The following ADIPOQ variants were observed in gnomAD, a reference collection of about 807,000 sequenced individuals.
ADIPOQ encodes the protein adiponectin.
In ADIPOQ, 19 loss-of-function variants were observed where a neutral mutation model predicts 16.1. The ratio of observed to expected loss-of-function variants is 1.18; its 90% CI spans 0.82 to 1.73. The LOEUF (loss-of-function observed/expected upper bound fraction) is 1.73, where lower values mean the gene tolerates loss of function less well. Among genes scored for constraint, ADIPOQ ranks in the 40% most tolerant of loss-of-function variants. The pLI, the probability that ADIPOQ is intolerant of heterozygous loss-of-function variation, is 0.00. For missense variants in ADIPOQ, 323 were observed against 308.3 expected (o/e 1.05, Z -0.36); for synonymous variants, 124 against 125.5 (o/e 0.99, Z 0.08).
Position 186,854,344 on chromosome 3 carries a change from C to G in ADIPOQ, c.375C>G (p.Ile125Met), listed in dbSNP as rs1711907153. The stretch of plus-strand genomic sequence containing the variant: ...TGGGATTGGAGACTTACGTTACTAT[C>G]CCCAACATGCCCATTCGCTTTACCA... ...FSVGLETYVT[I>M]PNMPIRFTKI... is the part of the protein sequence containing the mutation. Residue 125 changes from isoleucine (I) to methionine (M), a missense_variant, in exon 3 of 3, where the codon ATC becomes ATG. Transcript: ENST00000320741. The G allele has an allele frequency of 6.2e-7, 1 of 1,614,072 alleles. No individual in the cohort carries two copies.
At chr3:186,852,977 C>T (rs1711833592) in intron 1 of ADIPOQ, 74 bp from the exon 2 acceptor site, 4 of 1,513,334 alleles carry the variant, frequency 2.6e-6, no homozygotes, top group Admixed American at 1.7e-5. Context: ...TGGACGGAGT[C>T]CTTTGTAGGT....
intron 1 of ADIPOQ, among the ~76,000 whole-genome samples, chr3:186,845,328 C>G (rs749560541): frequency 6.6e-6 from 1 of 151,868 alleles, no homozygotes; most frequent in African/African-American, 2.4e-5. Flanking sequence ...TGGGTTGCAC[C>G]GTGTGAAACT....
In ADIPOQ at chr3:186,854,800, G is replaced by A; in HGVS notation, c.*96G>A. The A allele has an allele frequency of 6.7e-7, 1 of 1,481,806 alleles. No homozygotes were observed. Among genetic ancestry groups the A allele is most frequent in the Non-Finnish European group, 9.3e-7 (1 of 1,071,614 alleles). The allele number at this position is 1,481,806 out of a possible 1,614,324, so 91.8% of individuals were successfully genotyped here. ...GGAAGTTGATTATTATTTAGTTGGA[G>A]GCCTTTAGATATTATTCATTCATTT... On this transcript the variant is annotated 3_prime_UTR_variant, in exon 3 of 3. Coordinates refer to ENST00000320741, the MANE Select transcript of ADIPOQ (RefSeq NM_004797.4).
At position 186,845,374 on chromosome 3, in the gene ADIPOQ, A is replaced by ATTTTTC. The variant is rs1423149552; in HGVS notation, c.-9+2630_-9+2631insCTTTTT. Among the ~76,000 whole-genome samples, 5 of 151,762 alleles carry ATTTTTC rather than the reference A, an allele frequency of 3.3e-5. No homozygotes were observed. In the East Asian group the frequency reaches 9.7e-4, roughly 29 times the overall value. ...TACACTTTGACTTTTATTTATTTTT[A>ATTTTTC]TTTTTATTTTTTTTGAGACAGAGTT... is the stretch of plus-strand genomic sequence containing the variant. On this transcript the variant is annotated intron_variant, in intron 1 of 2. Coordinates refer to ENST00000320741, the MANE Select transcript of ADIPOQ (RefSeq NM_004797.4).
intron 1 of ADIPOQ, among the ~76,000 whole-genome samples, chr3:186,843,433 G>T (rs900445216): frequency 1.3e-5 from 2 of 152,156 alleles, no homozygotes; most frequent in African/African-American, 4.8e-5. Context: ...ACCGAGGCGG[G>T]TGGATCACCT....
intron 2 of ADIPOQ, 34 bp downstream of exon 2, chr3:186,853,306 C>T: frequency 6.4e-7 from 1 of 1,550,872 alleles, no homozygotes; most frequent in Non-Finnish European, 8.7e-7. Flanking sequence ...CATCACAGAC[C>T]TCCTACACTG....
chr3:186,848,170 T>G (rs1711628278), intron 1 of ADIPOQ, among the ~76,000 whole-genome samples: 1 of 49,502 alleles, frequency 2.0e-5, no homozygotes. Flanking sequence ...GAGACTCCAC[T>G]TCAGAAACAA....
intron 1 of ADIPOQ, 69 bp from the exon 2 acceptor site, chr3:186,852,982 G>A (rs1711833919): frequency 1.3e-6 from 2 of 1,542,778 alleles, no homozygotes; most frequent in African/African-American, 1.4e-5. Context: ...GGAGTCCTTT[G>A]TAGGTCCCAA....
rs201402829 is a variant in ADIPOQ, at chr3:186,854,740, G to A, written c.*36G>A. 6 of 1,610,742 alleles carry A rather than the reference G, an allele frequency of 3.7e-6. No homozygotes were observed. The highest frequency in any genetic ancestry group is 5.1e-6 in the Non-Finnish European group (6 of 1,178,618). The stretch of plus-strand genomic sequence containing the variant: ...CTCAGAGCCTCCTCCAGGCCAAACA[G>A]CCCCAAAGTCAATTAAAGGCTTTCA... On this transcript the variant is annotated 3_prime_UTR_variant, in exon 3 of 3. Transcript: ENST00000320741.
At position 186,854,270 on chromosome 3, in the gene ADIPOQ, A is replaced by G. The variant is rs751189447; in HGVS notation, c.301A>G (p.Lys101Glu). 8 of 1,613,956 alleles carry G rather than the reference A, an allele frequency of 5.0e-6. No homozygotes were observed. In the South Asian group the frequency reaches 8.8e-5, roughly 18 times the overall value. The change falls in exon 3 of 3, where the codon AAA becomes GAA. Residue 101 changes from lysine (K) to glutamate (E), a missense_variant. Physicochemically the swap from Lys to Glu is moderately conservative, Grantham distance 56. Transcript: ENST00000320741. ...PRGFPGIQGRKGEPGEGAYVY... is the reference protein window; with the variant it reads ...PRGFPGIQGREGEPGEGAYVY... ...AGGCTTTCCGGGAATCCAAGGCAGG[A>G]AAGGAGAACCTGGAGAAGGTGCCTA... is the stretch of plus-strand genomic sequence containing the variant.
At chr3:186,851,503 A>G (rs990531608) in intron 1 of ADIPOQ, among the ~76,000 whole-genome samples, 9 of 152,142 alleles carry the variant, frequency 5.9e-5, no homozygotes, top group African/African-American at 1.7e-4. Flanking sequence ...GGGATATCAA[A>G]GAATGATTTT....
intron 1 of ADIPOQ, among the ~76,000 whole-genome samples, chr3:186,845,774 GT>G (rs1560106463): frequency 6.6e-6 from 1 of 152,220 alleles, no homozygotes; most frequent in African/African-American, 2.4e-5. Flanking sequence ...ACACGTTAGA[GT>G]CAAAAGCAGG....
At chr3:186,849,814 G>C (rs1711686991) in intron 1 of ADIPOQ, among the ~76,000 whole-genome samples, 2 of 152,180 alleles carry the variant, frequency 1.3e-5, no homozygotes, top group South Asian at 4.1e-4. Flanking sequence ...TAGTCTTCAA[G>C]TGGGGAGAAA....
Position 186,855,794 on chromosome 3 carries a change from G to C in ADIPOQ, c.*1090G>C, listed in dbSNP as rs1303819851. ...ATTTTGCCATGGATGAGAGTCCTGG[G>C]TGTGAGGAACACCTCCCACCAGGCT... On this transcript the variant is annotated 3_prime_UTR_variant, in exon 3 of 3. Coordinates refer to ENST00000320741, the MANE Select transcript of ADIPOQ (RefSeq NM_004797.4). The C allele has an allele frequency of 6.6e-6, 1 of 152,302 alleles. No homozygotes were observed. Among genetic ancestry groups the C allele is most frequent in the South Asian group, 2.1e-4 (1 of 4,828 alleles). The allele number at this position is 152,302 out of a possible 1,614,324, so 9.4% of individuals were successfully genotyped here.
intron 1 of ADIPOQ, 31 bp from the exon 2 acceptor site, chr3:186,853,020 C>T: frequency 6.2e-7 from 1 of 1,612,478 alleles, no homozygotes; most frequent in Non-Finnish European, 8.5e-7. Context: ...GTCTGTCTCT[C>T]CATGGCTGAC....
rs1034116174 is a variant in ADIPOQ at position 186,857,153 on chromosome 3, C to T, written c.*2449C>T. ...TGATGCCCAAAGAGGAGAGAGGAAGCTCTCTTTCCCAGATGCCCCAGCAAG... is the reference window on the plus strand; with the variant it reads ...TGATGCCCAAAGAGGAGAGAGGAAGTTCTCTTTCCCAGATGCCCCAGCAAG... On this transcript the variant is annotated 3_prime_UTR_variant, in exon 3 of 3. Transcript: ENST00000320741. 1 of 152,224 alleles carries T rather than the reference C, an allele frequency of 6.6e-6. No homozygotes were observed. The allele number at this position is 152,224 out of a possible 1,614,324, so 9.4% of individuals were successfully genotyped here.
intron 1 of ADIPOQ, chr3:186,852,036 AAG>A (rs1037509952): frequency 2.3e-4 from 36 of 153,358 alleles, no homozygotes; most frequent in East Asian, 7.6e-4. Context: ...GAGAGAGAGA[AAG>A]AGAGAGAGAG....
rs754228738 is a variant in ADIPOQ, at chr3:186,854,643, A to G, written c.674A>G (p.Tyr225Cys). The G allele has an allele frequency of 1.2e-6, 2 of 1,614,048 alleles. No individual in the cohort carries two copies. The highest frequency in any genetic ancestry group is 1.1e-5 in the South Asian group (1 of 91,090). ...GGGGAAGGAGAGCGTAATGGACTCT[A>G]TGCTGATAATGACAATGACTCCACC... ...VYGEGERNGL[Y>C]ADNDNDSTFT... The change falls in exon 3 of 3, where the codon TAT becomes TGT. Residue 225 changes from tyrosine to cysteine, a missense_variant. Tyr to Cys is a radical substitution (Grantham distance 194, BLOSUM62 -2). Transcript: ENST00000320741.
Position 186,854,777 on chromosome 3 carries a change from A to G in ADIPOQ, c.*73A>G. 6.4e-7 allele frequency: 1 copy of G among 1,562,616 alleles called. No homozygotes were observed. The highest frequency in any genetic ancestry group is 1.1e-5 in the South Asian group (1 of 89,290). On this transcript the variant is annotated 3_prime_UTR_variant, in exon 3 of 3. Transcript: ENST00000320741. ...ATTAAAGGCTTTCAGTACGGTTAGGAAGTTGATTATTATTTAGTTGGAGGC... is the reference window on the plus strand; with the variant it reads ...ATTAAAGGCTTTCAGTACGGTTAGGGAGTTGATTATTATTTAGTTGGAGGC...
Sources: gnomAD v4.1 joint callset for allele counts (sites outside exome capture counted in the v4.1 genomes callset) on GRCh38, gnomAD v4.1.1 for gene constraint, MANE v1.5 for transcripts, NCBI Gene and HGNC (gene_info 2026-07-23, HGNC 2026-07-21) for gene names.